Variants in NSD3 observed in about 807,000 individuals in gnomAD.
The protein encoded by NSD3 is nuclear receptor binding SET domain protein 3.
NSD3 carries 24 observed loss-of-function variants against 160.8 expected under a neutral mutation model. The ratio of observed to expected loss-of-function variants is 0.15; its 90% CI spans 0.11 to 0.21. The LOEUF (loss-of-function observed/expected upper bound fraction) is 0.21, where lower values mean the gene tolerates loss of function less well. Among genes scored for constraint, NSD3 ranks in the 10% least tolerant of loss-of-function variants. NSD3 has a pLI of 1.00. For missense variants in NSD3, 1,157 were observed against 1,735.9 expected, an observed-to-expected ratio of 0.67 and a Z score of 5.93; for synonymous variants, 520 against 600.0, an observed-to-expected ratio of 0.87 and a Z score of 1.95.
intron 14 of NSD3, among the ~76,000 whole-genome samples, chr8:38,303,975 T>C (rs1356432090): frequency 6.6e-6 from 1 of 152,212 alleles, no homozygotes; most frequent in Admixed American, 6.5e-5. Flanking sequence ...CTGACCCCCG[T>C]AGGGCTACAG....
Position 38,316,635 on chromosome 8 carries a change from T to C in NSD3, c.1856-593A>G, listed in dbSNP as rs1442450193. ...ATTTATTGTGACCATTAACAAGCGC[T>C]GCAGCACATCTACATATGTCATGCC... On this transcript the variant is annotated intron_variant, in intron 9 of 23. Transcript: ENST00000317025. The surrounding 1 kb of genome is among the most constrained non-coding windows in gnomAD (Gnocchi z 4.5). The C allele has an allele frequency of 3.8e-6, 4 of 1,053,686 alleles. No homozygotes were observed. In the African/African-American group the frequency reaches 6.6e-5, roughly 17 times the overall value. 65.3% of individuals were successfully genotyped at this position (1,053,686 alleles called of 1,614,324 possible). A position where few individuals can be genotyped will look rare whatever the true frequency, so the allele number is the denominator to read the frequency against.
chr8:38,330,031 T>G (rs766814308), intron 5 of NSD3, 138 bp from the exon 6 acceptor site: 4 of 960,482 alleles, frequency 4.2e-6, no homozygotes, highest in Non-Finnish European at 4.5e-6. Flanking sequence ...ACAAGTGGAA[T>G]GTTCTATCTC....
intron 20 of NSD3, 75 bp downstream of exon 20, chr8:38,281,392 T>G: frequency 1.4e-6 from 1 of 738,064 alleles, no homozygotes; most frequent in Non-Finnish European, 2.0e-6. Flanking sequence ...TAAAAGAAAC[T>G]GAGTTCAAAT....
Position 38,329,941 on chromosome 8 carries a change from CATTAAA to C in NSD3, c.1066-54_1066-49del. On this transcript the variant is annotated intron_variant, in intron 5 of 23. Coordinates refer to ENST00000317025, the MANE Select transcript of NSD3 (RefSeq NM_023034.2). The surrounding 1 kb of genome is among the most constrained non-coding windows in gnomAD (Gnocchi z 4.8). ...CAGACATGCTTTACTCTAATAGGTA[CATTAAA>C]ATTGATATGTATTTCCCATGTGATC... The C allele has an allele frequency of 1.3e-6, 2 of 1,505,798 alleles. No individual in the cohort carries two copies. The highest frequency in any genetic ancestry group is 2.7e-5 in the South Asian group (2 of 74,280). 93.3% of individuals were successfully genotyped at this position (1,505,798 alleles called of 1,614,324 possible).
At position 38,318,917 on chromosome 8, in the gene NSD3, T is replaced by G. The variant is rs2234558; in HGVS notation, c.1833A>C (p.Thr611=). 0.039 allele frequency: 63,267 copies of G among 1,610,852 alleles called. 1,481 individuals are homozygous for G. Among genetic ancestry groups the G allele is most frequent in the Admixed American group, 0.062 (3,671 of 58,870 alleles). Residue 611 remains threonine, a synonymous_variant, in exon 9 of 24, where the codon ACA becomes ACC. Transcript: ENST00000317025. This position sits in a 1 kb window ranked among gnomAD's most constrained non-coding sequence, Gnocchi z 5.3. ...KEQVETVPQA[T]VKTGLQKGAS... is the part of the protein sequence containing the mutation. ...CACCTTTCTGTAATCCAGTCTTCAC[T>G]GTAGCCTGAGGAACTGTTTCAACCT...
chr8:38,344,305 T>G (rs984669547), intron 2 of NSD3, among the ~76,000 whole-genome samples: 2 of 152,204 alleles, frequency 1.3e-5, no homozygotes, highest in African/African-American at 4.8e-5. Flanking sequence ...AGAGTCTCAT[T>G]CTGTCACCCA....
chr8:38,329,572 G>C lies in NSD3; in HGVS notation c.1387C>G (p.Pro463Ala). ...TTCCAGGCTATTTTAACAGGCGGTGGCTCTTCCTCTTCCGCACTTGTGTGC... is the reference window on the plus strand; with the variant it reads ...TTCCAGGCTATTTTAACAGGCGGTGCCTCTTCCTCTTCCGCACTTGTGTGC... ...RRHTSAEEEE[P>A]PPVKIAWKTA... The change falls in exon 6 of 24, where the codon CCA (proline) becomes GCA (alanine). Residue 463 changes from proline to alanine, a missense_variant. Transcript: ENST00000317025. The surrounding 1 kb of genome is among the most constrained non-coding windows in gnomAD (Gnocchi z 4.8). 1.2e-6 allele frequency: 2 copies of C among 1,614,182 alleles called. No homozygotes were observed. The highest frequency in any genetic ancestry group is 1.1e-5 in the South Asian group (1 of 91,084).
chr8:38,354,635 G>A (rs1810778394), intron 1 of NSD3, among the ~76,000 whole-genome samples: 1 of 152,008 alleles, frequency 6.6e-6, no homozygotes, highest in African/African-American at 2.4e-5. Context: ...TAAAGCAAAT[G>A]AGACAAAATT....
chr8:38,305,543 C>T (rs1219695776), intron 12 of NSD3, 98 bp from the exon 13 acceptor site: 2 of 1,098,566 alleles, frequency 1.8e-6, no homozygotes, highest in African/African-American at 3.2e-5. Context: ...CTAAAACAGA[C>T]TCTATTACTA....
At position 38,295,928 on chromosome 8, in the gene NSD3, G is replaced by C; in HGVS notation, c.2783C>G (p.Ser928Trp). 2 of 1,613,038 alleles carry C rather than the reference G, an allele frequency of 1.2e-6. No homozygotes were observed. The highest frequency in any genetic ancestry group is 1.7e-6 in the Non-Finnish European group (2 of 1,179,630). ...EKGGRLLCCE[S>W]CPASFHPECL... Reference sequence around the variant, plus strand: ...TTCCGGGTGGAAGGAAGCTGGGCACGATTCACAGCAGAGCAATCTTCCACC... The same window carrying C: ...TTCCGGGTGGAAGGAAGCTGGGCACCATTCACAGCAGAGCAATCTTCCACC... The change falls in exon 16 of 24, where the codon TCG (serine) becomes TGG (tryptophan). Residue 928 changes from serine to tryptophan, a missense_variant. Physicochemically the swap from Ser to Trp is radical, Grantham distance 177 (BLOSUM62 -3). Transcript: ENST00000317025.
rs577682221 is a variant in NSD3 at position 38,273,900 on chromosome 8, G to C, written c.*1741C>G. 1 of 152,262 alleles carries C rather than the reference G, an allele frequency of 6.6e-6. No individual in the cohort carries two copies. Among genetic ancestry groups the C allele is most frequent in the African/African-American group, 2.4e-5 (1 of 41,556 alleles). The allele number at this position is 152,262 out of a possible 1,614,324, so 9.4% of individuals were successfully genotyped here. On this transcript the variant is annotated 3_prime_UTR_variant, in exon 24 of 24. Coordinates refer to ENST00000317025, the MANE Select transcript of NSD3 (RefSeq NM_023034.2). ...GTTTAGGAGCTTCAGTAAAAGAATT[G>C]TAGTGTTTTTTACAAGAGAAAATCC...
rs780002440 is a variant in NSD3, at chr8:38,307,161, C to CA, written c.2243-1717dup. ...AAATAAATAAATAAATAAATAAATA[C>CA]AAAAAAACTTAAAGAGTTTGATAAT... On this transcript the variant is annotated intron_variant, in intron 12 of 23. Coordinates refer to ENST00000317025, the MANE Select transcript of NSD3 (RefSeq NM_023034.2). 3.3e-4 allele frequency among the ~76,000 whole-genome samples: 48 copies of CA among 146,788 alleles called. No individual in the cohort carries two copies. In the East Asian group the frequency reaches 8.8e-3, roughly 27 times the overall value.
At chr8:38,345,412 C>A (rs1051144657) in intron 2 of NSD3, among the ~76,000 whole-genome samples, 1 of 151,814 alleles carries the variant, frequency 6.6e-6, no homozygotes, top group East Asian at 1.9e-4. Context: ...AAGAAAAAAA[C>A]CTGGATTTCC....
intron 16 of NSD3, among the ~76,000 whole-genome samples, chr8:38,294,429 C>T (rs75344795): frequency 0.016 from 2,413 of 152,234 alleles, 60 homozygotes; most frequent in African/African-American, 0.056. Context: ...ACCTGTTCAG[C>T]AAAGGCTCGT....
At chr8:38,369,585 A>G (rs1385376131) in intron 1 of NSD3, among the ~76,000 whole-genome samples, 1 of 152,204 alleles carries the variant, frequency 6.6e-6, no homozygotes, top group Non-Finnish European at 1.5e-5. Context: ...TAAAAAAGTT[A>G]TTCATTATCA....
chr8:38,296,676 G>C (rs200612535), intron 15 of NSD3, among the ~76,000 whole-genome samples: 1 of 40,658 alleles, frequency 2.5e-5, no homozygotes, highest in Non-Finnish European at 5.9e-5. Flanking sequence ...CTCTCCCTCT[G>C]TGTGTGTGTG....
In NSD3 at chr8:38,271,560, GA is replaced by G; in HGVS notation, c.*4080del. 6.6e-6 allele frequency: 1 copy of G among 152,270 alleles called. No homozygotes were observed. The highest frequency in any genetic ancestry group is 1.5e-5 in the Non-Finnish European group (1 of 68,012). The allele number at this position is 152,270 out of a possible 1,614,324, so 9.4% of individuals were successfully genotyped here. A position where few individuals can be genotyped will look rare whatever the true frequency, so the allele number is the denominator to read the frequency against. On this transcript the variant is annotated 3_prime_UTR_variant, in exon 24 of 24. Coordinates refer to ENST00000317025, the MANE Select transcript of NSD3 (RefSeq NM_023034.2). ...AATTATAGTATTCCCTAGTCCATCT[GA>G]AAATGGAAGCAAGTTCTACTTTTTG... is the stretch of plus-strand genomic sequence containing the variant.
At chr8:38,369,360 G>C (rs1811182951) in intron 1 of NSD3, among the ~76,000 whole-genome samples, 1 of 152,088 alleles carries the variant, frequency 6.6e-6, no homozygotes, top group East Asian at 1.9e-4. Context: ...AATTGGACTG[G>C]AAAGTTAACT....
At chr8:38,367,014 A>C (rs907035921) in intron 1 of NSD3, among the ~76,000 whole-genome samples, 4 of 152,196 alleles carry the variant, frequency 2.6e-5, no homozygotes, top group Admixed American at 2.0e-4. Context: ...AAGAATTATA[A>C]ATTTTTAAAG....
Sources: gnomAD v4.1 joint callset for allele counts (sites outside exome capture counted in the v4.1 genomes callset) on GRCh38, gnomAD v4.1.1 for gene constraint, Gnocchi (gnomAD v3.1) non-coding constraint, MANE v1.5 for transcripts, NCBI Gene and HGNC (gene_info 2026-07-23, HGNC 2026-07-21) for gene names.